The following DPP10 variants were observed in gnomAD, a reference collection of about 807,000 sequenced individuals.
DPP10 encodes the protein inactive dipeptidyl peptidase 10.
In DPP10, 33 loss-of-function variants were observed where a neutral mutation model predicts 120.9. The ratio of observed to expected loss-of-function variants is 0.27; its 90% confidence interval spans 0.21 to 0.37. The LOEUF is 0.37. DPP10 is among the 10% of genes least tolerant of loss of function. The pLI, the probability that DPP10 is intolerant of heterozygous loss-of-function variation, is 1.00. For synonymous variants in DPP10, 337 were observed against 326.1 expected (o/e 1.03, Z -0.36); for missense variants, 816 against 942.8 (o/e 0.87, Z 1.76).
At chr2:115,112,892 C>T (rs551163056) in intron 1 of DPP10, among the ~76,000 whole-genome samples, 8 of 152,062 alleles carry the variant, frequency 5.3e-5, no homozygotes, top group Non-Finnish European at 1.0e-4. Context: ...TAATTTCTAC[C>T]TCTGCTTTAG....
chr2:115,657,698 G>A (rs10864942), intron 5 of DPP10, among the ~76,000 whole-genome samples: 115,206 of 151,732 alleles, frequency 0.76, 44,421 homozygotes, highest in African/African-American at 0.88. Flanking sequence ...ACCTAAATGC[G>A]TGGAAGATGC....
chr2:115,272,584 C>T (rs577135775), intron 1 of DPP10, among the ~76,000 whole-genome samples: 21 of 152,240 alleles, frequency 1.4e-4, no homozygotes, highest in Non-Finnish European at 2.8e-4. Context: ...TAAAGTTCTT[C>T]AGTACAAGTT....
Position 115,005,936 on chromosome 2 carries a change from T to G in DPP10, c.61-303303T>G, listed in dbSNP as rs1460992410. Among the ~76,000 whole-genome samples, 3 of 151,914 alleles carry G rather than the reference T, an allele frequency of 2.0e-5. No homozygotes were observed. In the South Asian group the frequency reaches 6.2e-4, roughly 32 times the overall value. ...ATTGTCAGATTCACCAAAGTTGAAATGAAGGAAAAAATGTTAAGGGCAGCC... is the reference window on the plus strand; with the variant it reads ...ATTGTCAGATTCACCAAAGTTGAAAGGAAGGAAAAAATGTTAAGGGCAGCC... On this transcript the variant is annotated intron_variant, in intron 1 of 25. Transcript: ENST00000410059.
intron 3 of DPP10, among the ~76,000 whole-genome samples, chr2:115,491,253 A>C (rs761387696): frequency 1.3e-5 from 2 of 152,198 alleles, no homozygotes; most frequent in Non-Finnish European, 2.9e-5. Flanking sequence ...AGAGCCAATG[A>C]GCAGAATAAT....
At chr2:115,099,876 C>T (rs796480829) in intron 1 of DPP10, among the ~76,000 whole-genome samples, 11 of 152,258 alleles carry the variant, frequency 7.2e-5, no homozygotes, top group African/African-American at 2.6e-4. Context: ...GGATATCTGC[C>T]ACATCTCCTT....
intron 5 of DPP10, among the ~76,000 whole-genome samples, chr2:115,585,580 T>C (rs1347489688): frequency 3.3e-5 from 5 of 152,224 alleles, no homozygotes; most frequent in Admixed American, 6.5e-5. Context: ...TTCCTTCCTT[T>C]CTTTTTTCCT....
At chr2:115,177,134 T>C (rs1487950383) in intron 1 of DPP10, among the ~76,000 whole-genome samples, 2 of 152,222 alleles carry the variant, frequency 1.3e-5, no homozygotes, top group East Asian at 3.8e-4. Flanking sequence ...GCATATTTAG[T>C]TTTAGATCTT....
intron 1 of DPP10, among the ~76,000 whole-genome samples, chr2:115,301,021 C>G (rs2061102913): frequency 6.6e-6 from 1 of 151,996 alleles, no homozygotes; most frequent in Admixed American, 6.6e-5. Flanking sequence ...AAGATTTTCT[C>G]AGGCATTTTC....
chr2:115,388,069 TAA>T (rs2067074203), intron 3 of DPP10, among the ~76,000 whole-genome samples: 1 of 152,166 alleles, frequency 6.6e-6, no homozygotes, highest in Non-Finnish European at 1.5e-5. Context: ...ATATATGACG[TAA>T]AGTTTCTATG....
intron 1 of DPP10, among the ~76,000 whole-genome samples, chr2:115,116,980 C>G (rs1358963331): frequency 6.6e-6 from 1 of 152,170 alleles, no homozygotes; most frequent in Non-Finnish European, 1.5e-5. Context: ...TTCAATTAAT[C>G]TTTTCCATTT....
At chr2:114,637,184 C>T (rs1398953279) in intron 1 of DPP10, among the ~76,000 whole-genome samples, 5 of 151,854 alleles carry the variant, frequency 3.3e-5, no homozygotes, top group Non-Finnish European at 5.9e-5. Flanking sequence ...AATATTTAGC[C>T]TTGGAATAAA....
At chr2:115,639,128 C>CA (rs1321136231) in intron 5 of DPP10, among the ~76,000 whole-genome samples, 2 of 152,160 alleles carry the variant, frequency 1.3e-5, no homozygotes, top group Non-Finnish European at 2.9e-5. Flanking sequence ...GGACTAGATT[C>CA]AGAGAAGAGG....
In DPP10 at chr2:115,273,769, T is replaced by A. The variant is rs1303051504; in HGVS notation, c.61-35470T>A. 2.0e-5 allele frequency among the ~76,000 whole-genome samples: 3 copies of A among 152,244 alleles called. No individual in the cohort carries two copies. In the East Asian group the frequency reaches 5.8e-4, roughly 29 times the overall value. On this transcript the variant is annotated intron_variant, in intron 1 of 25. Transcript: ENST00000410059. ...TTCTTAAAATTATTAATCTTATTGA[T>A]GTGTTTCTGGAGCCCAGTACCAAAC...
intron 3 of DPP10, among the ~76,000 whole-genome samples, chr2:115,408,999 C>G (rs191250042): frequency 4.5e-4 from 68 of 151,550 alleles, no homozygotes; most frequent in African/African-American, 1.5e-3. Flanking sequence ...AGGAGAAAAA[C>G]AGTAACTAAA....
intron 19 of DPP10, among the ~76,000 whole-genome samples, chr2:115,797,955 G>GTA (rs60338859): frequency 0.36 from 53,757 of 149,544 alleles, 9,814 homozygotes; most frequent in Middle Eastern, 0.5. Flanking sequence ...GTGTGTGTGT[G>GTA]TATATATATA....
chr2:114,740,117 A>G (rs909827740), intron 1 of DPP10, among the ~76,000 whole-genome samples: 6 of 151,398 alleles, frequency 4.0e-5, no homozygotes, highest in Non-Finnish European at 8.8e-5. Flanking sequence ...CAAATGTCCA[A>G]CAATGATAGA....
intron 1 of DPP10, among the ~76,000 whole-genome samples, chr2:114,481,113 A>T (rs918474129): frequency 6.6e-6 from 1 of 152,042 alleles, no homozygotes; most frequent in East Asian, 1.9e-4. Flanking sequence ...CCAAAAAAGG[A>T]ACAAATGAGA....
intron 5 of DPP10, among the ~76,000 whole-genome samples, chr2:115,654,700 A>T (rs532169389): frequency 6.6e-6 from 1 of 151,994 alleles, no homozygotes; most frequent in East Asian, 1.9e-4. Context: ...TGAATTTCTT[A>T]TATGATTGCT....
At chr2:115,079,379 A>AAAGAAAAAAAAG (rs1708076926) in intron 1 of DPP10, among the ~76,000 whole-genome samples, 1 of 151,814 alleles carries the variant, frequency 6.6e-6, no homozygotes. Flanking sequence ...AAACAAAAAA[A>AAAGAAAAAAAAG]AAGAAAAAAA....
Sources: allele counts gnomAD v4.1 joint callset (sites outside exome capture counted in the v4.1 genomes callset), GRCh38; gene constraint gnomAD v4.1.1; transcripts MANE v1.5; gene names NCBI Gene and HGNC (gene_info 2026-07-23, HGNC 2026-07-21).